Variants in NLGN1 observed in about 807,000 individuals in gnomAD.
The protein encoded by NLGN1 is neuroligin-1.
In NLGN1, 12 loss-of-function variants were observed where a neutral mutation model predicts 65.5. That is an observed-to-expected ratio of 0.18 (90% CI 0.12 to 0.30). The LOEUF is 0.30. NLGN1 is among the 10% of genes least tolerant of loss of function. The pLI, the probability that NLGN1 is intolerant of heterozygous loss-of-function variation, is 1.00. For missense variants in NLGN1, 750 were observed against 1,007.1 expected, an observed-to-expected ratio of 0.74 and a Z score of 3.46; for synonymous variants, 350 against 359.5, an observed-to-expected ratio of 0.97 and a Z score of 0.30.
intron 1 of NLGN1, among the ~76,000 whole-genome samples, chr3:173,426,133 C>T (rs1379471708): frequency 6.6e-6 from 1 of 151,896 alleles, no homozygotes; most frequent in Non-Finnish European, 1.5e-5. Context: ...AGATTGTTCA[C>T]TGTTGGAATA....
intron 4 of NLGN1, among the ~76,000 whole-genome samples, chr3:174,094,383 G>C (rs1383950575): frequency 1.3e-5 from 2 of 151,742 alleles, no homozygotes; most frequent in Non-Finnish European, 2.9e-5. Context: ...CCATGGCCTG[G>C]TGGGCCGCAT....
chr3:173,716,248 T>C (rs1218221901), intron 3 of NLGN1, among the ~76,000 whole-genome samples: 2 of 152,326 alleles, frequency 1.3e-5, no homozygotes, highest in Non-Finnish European at 2.9e-5. Flanking sequence ...ACTATTTCTC[T>C]ATTTTTGGAA....
At chr3:174,071,199 A>G (rs1337795299) in intron 4 of NLGN1, among the ~76,000 whole-genome samples, 1 of 152,212 alleles carries the variant, frequency 6.6e-6, no homozygotes, top group Non-Finnish European at 1.5e-5. Flanking sequence ...TAGTTTTTTG[A>G]CACTTTAGCA....
At chr3:173,950,393 G>A (rs952378544) in intron 4 of NLGN1, among the ~76,000 whole-genome samples, 3 of 152,156 alleles carry the variant, frequency 2.0e-5, no homozygotes, top group African/African-American at 7.2e-5. Flanking sequence ...GTTATTACTA[G>A]GTTGGTGCAA....
intron 3 of NLGN1, among the ~76,000 whole-genome samples, chr3:173,781,565 A>G (rs1166846409): frequency 6.6e-6 from 1 of 152,320 alleles, no homozygotes; most frequent in South Asian, 2.1e-4. Context: ...CAGTTGTTCA[A>G]TTTAAGATCT....
exon 6 of NLGN1, chr3:174,278,898 C>G: frequency 1.3e-6 from 2 of 1,506,712 alleles, no homozygotes; most frequent in South Asian, 1.4e-5. Context: ...GTGGAACAGC[C>G]CTTTCCAGCT....
At chr3:173,469,876 C>T (rs1725032903) in intron 2 of NLGN1, among the ~76,000 whole-genome samples, 1 of 151,684 alleles carries the variant, frequency 6.6e-6, no homozygotes, top group Admixed American at 6.6e-5. Flanking sequence ...CAAAGAACAC[C>T]TACATATGCT....
chr3:173,725,855 T>G (rs1771674378), intron 3 of NLGN1, among the ~76,000 whole-genome samples: 2 of 152,078 alleles, frequency 1.3e-5, no homozygotes, highest in Non-Finnish European at 2.9e-5. Flanking sequence ...AGTTCTCCAC[T>G]GTCTTACTGG....
intron 4 of NLGN1, among the ~76,000 whole-genome samples, chr3:173,820,603 G>A (rs976389925): frequency 4.6e-5 from 7 of 152,164 alleles, no homozygotes; most frequent in Admixed American, 4.6e-4. Context: ...TATAAATTAG[G>A]CACAGTACTT....
chr3:173,454,561 T>G (rs2148862719), intron 2 of NLGN1, among the ~76,000 whole-genome samples: 1 of 149,680 alleles, frequency 6.7e-6, no homozygotes, highest in Admixed American at 6.7e-5. Flanking sequence ...CTACATGCAC[T>G]TTTGTGTTAT....
chr3:173,569,927 T>G (rs1744361447), intron 2 of NLGN1, among the ~76,000 whole-genome samples: 1 of 152,244 alleles, frequency 6.6e-6, no homozygotes, highest in African/African-American at 2.4e-5. Context: ...GCATTTCTTC[T>G]TCTACAAATT....
At chr3:174,089,713 A>G (rs1160262407) in intron 4 of NLGN1, among the ~76,000 whole-genome samples, 2 of 152,186 alleles carry the variant, frequency 1.3e-5, no homozygotes, top group East Asian at 3.9e-4. Flanking sequence ...GACTGCCAAT[A>G]AATCATTCGA....
At chr3:174,212,119 G>A (rs113317004) in intron 4 of NLGN1, among the ~76,000 whole-genome samples, 4,095 of 152,294 alleles carry the variant, frequency 0.027, 174 homozygotes, top group African/African-American at 0.092. Context: ...CCTGCCCCGC[G>A]GGAGGGCAGC....
chr3:173,588,080 T>C (rs1747803351), intron 2 of NLGN1, among the ~76,000 whole-genome samples: 1 of 152,140 alleles, frequency 6.6e-6, no homozygotes, highest in South Asian at 2.1e-4. Context: ...TATTGAGAAA[T>C]AAAAAAGAAC....
At chr3:174,272,223 T>C (rs1478467548) in intron 4 of NLGN1, among the ~76,000 whole-genome samples, 1 of 151,720 alleles carries the variant, frequency 6.6e-6, no homozygotes, top group African/African-American at 2.4e-5. Flanking sequence ...ATGACTGGAC[T>C]ATAGTTGAGC....
chr3:173,859,001 A>T (rs1467285961), intron 4 of NLGN1, among the ~76,000 whole-genome samples: 1 of 152,094 alleles, frequency 6.6e-6, no homozygotes, highest in Admixed American at 6.6e-5. Flanking sequence ...CATAATGTAA[A>T]TTAATGATGT....
At chr3:173,816,870 C>T (rs1719137586) in intron 4 of NLGN1, among the ~76,000 whole-genome samples, 1 of 152,226 alleles carries the variant, frequency 6.6e-6, no homozygotes, top group South Asian at 2.1e-4. Context: ...CATCCATGTT[C>T]ATCCAATCTA....
At chr3:173,543,365 A>G (rs1369770660) in intron 2 of NLGN1, among the ~76,000 whole-genome samples, 1 of 152,170 alleles carries the variant, frequency 6.6e-6, no homozygotes, top group Non-Finnish European at 1.5e-5. Context: ...AACATAACTT[A>G]GTAAAGAACT....
intron 4 of NLGN1, among the ~76,000 whole-genome samples, chr3:174,065,392 G>C (rs1738302712): frequency 6.6e-6 from 1 of 152,036 alleles, no homozygotes; most frequent in Admixed American, 6.6e-5. Context: ...TTCACTCTTT[G>C]TCAATTATTT....
Sources: gnomAD v4.1 joint callset for allele counts (sites outside exome capture counted in the v4.1 genomes callset) on GRCh38, gnomAD v4.1.1 for gene constraint, MANE v1.5 for transcripts, NCBI Gene and HGNC (gene_info 2026-07-23, HGNC 2026-07-21) for gene names.